The following GSG1L variants were observed in gnomAD, a reference collection of about 807,000 sequenced individuals.
GSG1L encodes germ cell-specific gene 1-like protein.
GSG1L carries 24 observed loss-of-function variants against 42.1 expected under a neutral mutation model. The ratio of observed to expected loss-of-function variants is 0.57; its 90% confidence interval spans 0.41 to 0.80. GSG1L has a LOEUF of 0.80. Among genes scored for constraint, GSG1L ranks in the 30% least tolerant of loss-of-function variants. The pLI is 0.00. For missense variants in GSG1L, 445 were observed against 472.2 expected (o/e 0.94, Z 0.53); for synonymous variants, 215 against 203.5 (o/e 1.06, Z -0.48).
At chr16:28,031,206 G>A (rs1188582054) in intron 1 of GSG1L, among the ~76,000 whole-genome samples, 11 of 131,708 alleles carry the variant, frequency 8.4e-5, no homozygotes, top group African/African-American at 2.7e-5. Flanking sequence ...ATGATGGGGT[G>A]GGATGAGATG....
chr16:28,003,531 G>A (rs2085602699), intron 1 of GSG1L, among the ~76,000 whole-genome samples: 1 of 152,236 alleles, frequency 6.6e-6, no homozygotes. Flanking sequence ...CCCAGCTCAG[G>A]TCACATGTCC....
intron 1 of GSG1L, among the ~76,000 whole-genome samples, chr16:28,011,480 C>T (rs186497225): frequency 6.6e-6 from 1 of 152,308 alleles, no homozygotes; most frequent in East Asian, 1.9e-4. Context: ...AGCACATGGG[C>T]CCATCCGAAA....
At chr16:27,931,195 C>A (rs2084654429) in intron 2 of GSG1L, among the ~76,000 whole-genome samples, 2 of 152,180 alleles carry the variant, frequency 1.3e-5, no homozygotes, top group Non-Finnish European at 2.9e-5. Flanking sequence ...ATCAAAGGGA[C>A]AACAAATTTC....
chr16:27,798,016 G>A (rs1431449257), intron 6 of GSG1L, among the ~76,000 whole-genome samples: 1 of 152,068 alleles, frequency 6.6e-6, no homozygotes, highest in African/African-American at 2.4e-5. Flanking sequence ...ACCAGAAACT[G>A]GGTGCTCCAC....
chr16:28,001,348 T>C (rs1315801228), intron 1 of GSG1L, among the ~76,000 whole-genome samples: 1 of 152,224 alleles, frequency 6.6e-6, no homozygotes, highest in Non-Finnish European at 1.5e-5. Context: ...GTCTGTGTGC[T>C]TGACAACAGC....
intron 3 of GSG1L, among the ~76,000 whole-genome samples, chr16:27,883,006 C>A (rs1325886349): frequency 6.6e-6 from 1 of 151,468 alleles, no homozygotes; most frequent in Admixed American, 6.6e-5. Context: ...ATAATCCCAG[C>A]TACTCAGGAG....
chr16:27,828,829 T>C lies in GSG1L; in HGVS notation c.790A>G (p.Thr264Ala). The C allele has an allele frequency of 6.2e-7, 1 of 1,614,112 alleles. No homozygotes were observed. Among genetic ancestry groups the C allele is most frequent in the Non-Finnish European group, 8.5e-7 (1 of 1,179,996 alleles). The change falls in exon 5 of 7, where the codon ACC (threonine) becomes GCC (alanine). Residue 264 changes from threonine (T) to alanine (A), a missense_variant. Thr to Ala is a moderately conservative substitution (Grantham distance 58, BLOSUM62 0). This residue lies in a region of GSG1L where 140 missense variants were observed against 120.6 expected (regional missense o/e 1.16). Transcript: ENST00000447459. Reference sequence around the variant, plus strand: ...TTGATGGCCTCAGGGTCTATGAAGGTCGGCTCTTCCCGGTAGCCCTGCTCA... The same window carrying C: ...TTGATGGCCTCAGGGTCTATGAAGGCCGGCTCTTCCCGGTAGCCCTGCTCA... ...VFEQGYREEPTFIDPEAIKYF... is the reference protein window; with the variant it reads ...VFEQGYREEPAFIDPEAIKYF...
intron 1 of GSG1L, among the ~76,000 whole-genome samples, chr16:28,032,573 T>C (rs1279253428): frequency 6.6e-6 from 1 of 152,212 alleles, no homozygotes; most frequent in Non-Finnish European, 1.5e-5. Context: ...TACTTGACAT[T>C]GCCTCTGGGC....
intron 3 of GSG1L, among the ~76,000 whole-genome samples, chr16:27,867,299 T>G (rs2083740769): frequency 6.6e-6 from 1 of 152,188 alleles, no homozygotes; most frequent in Non-Finnish European, 1.5e-5. Context: ...CTCCCACTCA[T>G]GCTGTGTGAC....
At chr16:27,830,009 G>T (rs2083258153) in intron 4 of GSG1L, among the ~76,000 whole-genome samples, 1 of 152,152 alleles carries the variant, frequency 6.6e-6, no homozygotes, top group African/African-American at 2.4e-5. Flanking sequence ...TGATGTACAT[G>T]CTGAGCCCAG....
At chr16:27,903,547 C>T (rs929859990) in intron 2 of GSG1L, among the ~76,000 whole-genome samples, 6 of 152,196 alleles carry the variant, frequency 3.9e-5, no homozygotes, top group African/African-American at 4.8e-5. Context: ...GGCTGCAGAA[C>T]GCCCACCTAC....
intron 2 of GSG1L, among the ~76,000 whole-genome samples, chr16:27,891,114 C>G (rs1014046215): frequency 6.6e-6 from 1 of 152,152 alleles, no homozygotes; most frequent in African/African-American, 2.4e-5. Flanking sequence ...TCCCCAGAAG[C>G]AGCCGTCCCC....
At chr16:28,002,391 C>G (rs1425845095) in intron 1 of GSG1L, among the ~76,000 whole-genome samples, 1 of 152,140 alleles carries the variant, frequency 6.6e-6, no homozygotes, top group Non-Finnish European at 1.5e-5. Flanking sequence ...GAGACCAACA[C>G]GAGAGGACCA....
At chr16:27,976,379 T>C (rs1281407118) in intron 1 of GSG1L, among the ~76,000 whole-genome samples, 1 of 152,224 alleles carries the variant, frequency 6.6e-6, no homozygotes, top group Non-Finnish European at 1.5e-5. Flanking sequence ...TTGTTCGCTG[T>C]TGTGTCCTCA....
intron 3 of GSG1L, among the ~76,000 whole-genome samples, chr16:27,850,922 T>C (rs2083506156): frequency 6.6e-6 from 1 of 151,564 alleles, no homozygotes; most frequent in Non-Finnish European, 1.5e-5. Flanking sequence ...ATTACAGGCA[T>C]GAGCCACCGG....
At chr16:27,829,370 C>A (rs2083251207) in intron 4 of GSG1L, among the ~76,000 whole-genome samples, 1 of 152,132 alleles carries the variant, frequency 6.6e-6, no homozygotes, top group Non-Finnish European at 1.5e-5. Context: ...GAATGTTCTA[C>A]AAACTGTGGG....
intron 3 of GSG1L, among the ~76,000 whole-genome samples, chr16:27,862,160 A>G (rs2083661762): frequency 6.6e-6 from 1 of 152,208 alleles, no homozygotes; most frequent in South Asian, 2.1e-4. Context: ...CAGTGGTAAT[A>G]GGATGTACGT....
At chr16:28,000,507 G>T (rs547630913) in intron 1 of GSG1L, among the ~76,000 whole-genome samples, 1 of 152,086 alleles carries the variant, frequency 6.6e-6, no homozygotes, top group Non-Finnish European at 1.5e-5. Context: ...GCTTAGTCCT[G>T]CCAGAATCCA....
rs929242418 is a variant in GSG1L at position 28,057,158 on chromosome 16, G to A, written c.349+5918C>T. Among the ~76,000 whole-genome samples the A allele has an allele frequency of 2.8e-4, 42 of 152,244 alleles. 1 individual carries two copies. Among genetic ancestry groups the A allele is most frequent in the African/African-American group, 8.9e-4 (37 of 41,554 alleles). On this transcript the variant is annotated intron_variant, in intron 1 of 6. Coordinates refer to ENST00000447459, the MANE Select transcript of GSG1L (RefSeq NM_001109763.2). ...TCCTGGCAGTCCTTGGAAGGCATTC[G>A]ACTGTGACTGAGTGAGGAAGGGTCC...
Sources: gnomAD v4.1 joint callset for allele counts (sites outside exome capture counted in the v4.1 genomes callset) on GRCh38, gnomAD v4.1.1 for gene constraint, gnomAD v4.1.1 regional missense constraint, MANE v1.5 for transcripts, NCBI Gene and HGNC (gene_info 2026-07-23, HGNC 2026-07-21) for gene names.